The following PCDH11X variants were observed in gnomAD, a reference collection of about 807,000 sequenced individuals.
PCDH11X encodes the protein protocadherin 11 X-linked, also known as protocadherin-11 X-linked.
A neutral mutation model predicts 53.3 loss-of-function variants in PCDH11X; 18 were observed. That is an observed-to-expected ratio of 0.34 (90% CI 0.23 to 0.50). The LOEUF (loss-of-function observed/expected upper bound fraction) is 0.50, where lower values mean the gene tolerates loss of function less well. PCDH11X is among the 20% of genes least tolerant of loss of function. The pLI, the probability that PCDH11X is intolerant of heterozygous loss-of-function variation, is 0.98. For synonymous variants in PCDH11X, 279 were observed against 393.3 expected (o/e 0.71, Z 3.44); for missense variants, 570 against 1,032.4 (o/e 0.55, Z 6.14).
At chrX:92,327,001 C>A (rs1285309710) in intron 8 of PCDH11X, among the ~76,000 whole-genome samples, 1 of 108,943 alleles carries the variant, frequency 9.2e-6, no homozygotes, top group Non-Finnish European at 1.9e-5. Context: ...AAAACTAGAG[C>A]ATGTATATCC....
chrX:92,193,525 C>A (rs2066237776), intron 6 of PCDH11X, among the ~76,000 whole-genome samples: 1 of 111,137 alleles, frequency 9.0e-6, no homozygotes, highest in African/African-American at 3.3e-5. Flanking sequence ...TAATTTTTTA[C>A]TAATTATGAC....
intron 5 of PCDH11X, among the ~76,000 whole-genome samples, chrX:91,854,762 T>C (rs1195732679): frequency 8.9e-6 from 1 of 112,324 alleles, no homozygotes; most frequent in Non-Finnish European, 1.9e-5. Context: ...CAAACATCTT[T>C]TCATATGCCT....
chrX:92,120,155 C>CTTTTTTT (rs764997941), intron 6 of PCDH11X, among the ~76,000 whole-genome samples: 2 of 60,699 alleles, frequency 3.3e-5, no homozygotes, highest in African/African-American at 1.1e-4. Context: ...ACTTTTCTTT[C>CTTTTTTT]TTTTTTTTTT....
chrX:92,004,335 G>T (rs2062560490), intron 6 of PCDH11X, among the ~76,000 whole-genome samples: 1 of 111,001 alleles, frequency 9.0e-6, no homozygotes, highest in African/African-American at 3.3e-5. Context: ...CATGTGCTAA[G>T]GAAAAGAATG....
intron 10 of PCDH11X, among the ~76,000 whole-genome samples, chrX:92,475,141 G>C (rs2073352258): frequency 1.1e-5 from 1 of 87,866 alleles, no homozygotes. Context: ...CTCCAGCCTG[G>C]GCGACAGAGC....
intron 10 of PCDH11X, among the ~76,000 whole-genome samples, chrX:92,503,861 A>C: frequency 9.1e-6 from 1 of 109,821 alleles, no homozygotes; most frequent in Non-Finnish European, 1.9e-5. Flanking sequence ...CCCTAAACTT[A>C]AAATAAAAGT....
intron 6 of PCDH11X, among the ~76,000 whole-genome samples, chrX:92,138,371 T>A (rs1386617923): frequency 9.0e-6 from 1 of 111,091 alleles, no homozygotes; most frequent in Non-Finnish European, 1.9e-5. Flanking sequence ...TGTCCTCAGT[T>A]TTACTCTAGC....
chrX:92,584,612 T>G (rs1924130268), intron 10 of PCDH11X, among the ~76,000 whole-genome samples: 1 of 109,358 alleles, frequency 9.1e-6, no homozygotes, highest in Admixed American at 9.8e-5. Flanking sequence ...GGATTAACTT[T>G]GTTGTTAAAA....
Position 92,020,747 on chromosome X carries a change from C to T in PCDH11X, c.3033+141474C>T, listed in dbSNP as rs756822163. On this transcript the variant is annotated intron_variant, in intron 6 of 10. Coordinates refer to ENST00000682573, the MANE Select transcript of PCDH11X (RefSeq NM_032968.5). Reference sequence around the variant, plus strand: ...CCCCATGCCACCCAACTGGGTGAGACCCTCCAGAAGGGGTTGTCAGACACC... The same window carrying T: ...CCCCATGCCACCCAACTGGGTGAGATCCTCCAGAAGGGGTTGTCAGACACC... Among the ~76,000 whole-genome samples, 476 of 110,605 alleles carry T rather than the reference C, an allele frequency of 4.3e-3. 2 individuals are homozygous for T. Among genetic ancestry groups the T allele is most frequent in the African/African-American group, 0.015 (459 of 30,340 alleles).
At chrX:91,792,257 A>C (rs1259261928) in intron 1 of PCDH11X, among the ~76,000 whole-genome samples, 3 of 112,051 alleles carry the variant, frequency 2.7e-5, no homozygotes, top group Non-Finnish European at 5.6e-5. Context: ...TCAGACTCAT[A>C]ACTGGAAAAA....
intron 7 of PCDH11X, among the ~76,000 whole-genome samples, chrX:92,248,862 C>T (rs780753957): frequency 4.6e-5 from 5 of 109,632 alleles, no homozygotes; most frequent in South Asian, 7.9e-4. Flanking sequence ...TCACCATGCC[C>T]GGCTAATATT....
At position 92,148,133 on chromosome X, in the gene PCDH11X, T is replaced by TTTCC. The variant is rs202024225; in HGVS notation, c.3034-53202_3034-53199dup. ...TTCTTTCTTTCTTTCTTTCTTTCTT[T>TTTCC]TTCCTTCCTTCCTTCCTTCCTTCCT... On this transcript the variant is annotated intron_variant, in intron 6 of 10. Transcript: ENST00000682573. Among the ~76,000 whole-genome samples, 37 of 5,198 alleles carry TTTCC rather than the reference T, an allele frequency of 7.1e-3. 3 individuals are homozygous for TTTCC. Among genetic ancestry groups the TTTCC allele is most frequent in the South Asian group, 0.014 (1 of 73 alleles). 4.5% of individuals were successfully genotyped at this position (5,198 alleles called of 115,157 possible).
intron 9 of PCDH11X, among the ~76,000 whole-genome samples, chrX:92,445,104 G>A (rs1374306794): frequency 5.2e-5 from 5 of 96,590 alleles, no homozygotes; most frequent in African/African-American, 1.9e-4. Context: ...CTTTCTCCTT[G>A]ATTTTTTGGA....
chrX:92,275,661 G>A (rs941500311), intron 8 of PCDH11X, among the ~76,000 whole-genome samples: 1 of 112,153 alleles, frequency 8.9e-6, no homozygotes. Flanking sequence ...ATAAGGCACA[G>A]ATTCTGAACT....
intron 4 of PCDH11X, among the ~76,000 whole-genome samples, chrX:91,825,049 C>T (rs1479005034): frequency 1.8e-5 from 2 of 111,159 alleles, no homozygotes; most frequent in African/African-American, 3.3e-5. Flanking sequence ...TCTCCAACTG[C>T]ATACTGGGAG....
chrX:92,505,152 C>CTTTTTTTTTTTTTTTTTTTT (rs58620449), intron 10 of PCDH11X, among the ~76,000 whole-genome samples: 7 of 64,265 alleles, frequency 1.1e-4, no homozygotes, highest in African/African-American at 2.6e-4. Context: ...TTTCTTTTTT[C>CTTTTTTTTTTTTTTTTTTTT]TTTTTTTTTT....
chrX:92,054,820 C>CAAAAAAAA (rs1174448342), intron 6 of PCDH11X, among the ~76,000 whole-genome samples: 1 of 25,337 alleles, frequency 3.9e-5, no homozygotes, highest in African/African-American at 1.1e-4. Flanking sequence ...AACTCTGTCT[C>CAAAAAAAA]AAAAAAAAAA....
intron 9 of PCDH11X, among the ~76,000 whole-genome samples, chrX:92,435,717 T>G (rs2072354598): frequency 9.0e-6 from 1 of 111,148 alleles, no homozygotes; most frequent in Admixed American, 9.6e-5. Context: ...AGAAATAAGG[T>G]CCTTTTAAGA....
chrX:92,262,702 C>G (rs1042662443), intron 7 of PCDH11X, among the ~76,000 whole-genome samples: 5 of 111,009 alleles, frequency 4.5e-5, no homozygotes, highest in Non-Finnish European at 9.5e-5. Context: ...TTTCTCATTT[C>G]AATTAAAAAA....
Sources: allele counts gnomAD v4.1 joint callset (sites outside exome capture counted in the v4.1 genomes callset), GRCh38; gene constraint gnomAD v4.1.1; transcripts MANE v1.5; gene names NCBI Gene and HGNC (gene_info 2026-07-23, HGNC 2026-07-21).